Variants in LIMCH1 observed in about 807,000 individuals in gnomAD.
LIMCH1 encodes LIM and calponin homology domains-containing protein 1.
LIMCH1 carries 113 observed loss-of-function variants against 176.5 expected under a neutral mutation model. The observed-to-expected ratio is 0.64, with a 90% confidence interval of 0.55 to 0.75. The LOEUF is 0.75. LIMCH1 is among the 30% of genes least tolerant of loss of function. The pLI, the probability that LIMCH1 is intolerant of heterozygous loss-of-function variation, is 0.00. For synonymous variants in LIMCH1, 619 were observed against 645.9 expected, an observed-to-expected ratio of 0.96 and a Z score of 0.63; for missense variants, 1,674 against 1,814.9, an observed-to-expected ratio of 0.92 and a Z score of 1.41.
At chr4:41,539,357 G>A (rs917641830) in intron 1 of LIMCH1, among the ~76,000 whole-genome samples, 2 of 152,192 alleles carry the variant, frequency 1.3e-5, no homozygotes, top group East Asian at 1.9e-4. Flanking sequence ...GGTGGGTTCC[G>A]CACAAGGTGA....
At chr4:41,477,613 G>T (rs542538074) in intron 1 of LIMCH1, among the ~76,000 whole-genome samples, 2 of 152,334 alleles carry the variant, frequency 1.3e-5, no homozygotes, top group East Asian at 1.9e-4. Flanking sequence ...TTTGCTGAAA[G>T]CCCTTGGTTA....
intron 1 of LIMCH1, among the ~76,000 whole-genome samples, chr4:41,475,103 C>T (rs1412974363): frequency 6.6e-6 from 1 of 152,092 alleles, no homozygotes; most frequent in African/African-American, 2.4e-5. Flanking sequence ...GAGACCTTTG[C>T]TTTTGTTTTC....
chr4:41,482,560 A>G (rs555466586), intron 1 of LIMCH1, among the ~76,000 whole-genome samples: 2 of 152,286 alleles, frequency 1.3e-5, no homozygotes, highest in East Asian at 3.9e-4. Flanking sequence ...ATCAAATGAG[A>G]AAAATGTCTT....
At chr4:41,415,396 C>T (rs2059833794) in intron 1 of LIMCH1, among the ~76,000 whole-genome samples, 1 of 151,866 alleles carries the variant, frequency 6.6e-6, no homozygotes, top group Admixed American at 6.6e-5. Flanking sequence ...ACTTTCCATC[C>T]CCTCTCTTGC....
At position 41,699,015 on chromosome 4, in the gene LIMCH1, G is replaced by A. The variant is rs1054104290; in HGVS notation, c.*1830G>A. The A allele has an allele frequency of 6.6e-6, 1 of 152,214 alleles. No individual in the cohort carries two copies. The highest frequency in any genetic ancestry group is 1.5e-5 in the Non-Finnish European group (1 of 67,992). 9.4% of individuals were successfully genotyped at this position (152,214 alleles called of 1,614,324 possible). ...AAAGAAAAAAAGAAAAAATTAAAAAGAAAAATTGTTTTGAAAATGTACAGA... is the reference window on the plus strand; with the variant it reads ...AAAGAAAAAAAGAAAAAATTAAAAAAAAAAATTGTTTTGAAAATGTACAGA... On this transcript the variant is annotated 3_prime_UTR_variant, in exon 32 of 32. Coordinates refer to ENST00000503057, the MANE Select transcript of LIMCH1 (RefSeq NM_001330672.2).
chr4:41,440,317 A>G (rs2062565412), intron 1 of LIMCH1, among the ~76,000 whole-genome samples: 1 of 152,196 alleles, frequency 6.6e-6, no homozygotes, highest in African/African-American at 2.4e-5. Flanking sequence ...AGAAAATCAC[A>G]TTCTACAGAA....
intron 4 of LIMCH1, among the ~76,000 whole-genome samples, chr4:41,609,045 TG>T (rs754390744): frequency 3.9e-5 from 6 of 152,116 alleles, no homozygotes; most frequent in Non-Finnish European, 5.9e-5. Flanking sequence ...TGGCCCCATG[TG>T]GACCTTATTC....
chr4:41,491,221 C>T (rs1459331382), intron 1 of LIMCH1, among the ~76,000 whole-genome samples: 9 of 148,372 alleles, frequency 6.1e-5, no homozygotes, highest in East Asian at 4.1e-4. Flanking sequence ...AGAGGCGCCC[C>T]CAACTTCCCA....
Position 41,626,976 on chromosome 4 carries a change from G to A in LIMCH1, c.994G>A (p.Gly332Arg). The change falls in exon 8 of 32, where the codon GGA (glycine) becomes AGA (arginine). Residue 332 changes from glycine (G) to arginine (R), a missense_variant. Coordinates refer to ENST00000503057, the MANE Select transcript of LIMCH1 (RefSeq NM_001330672.2). ...AGATGGCAGCAAACAGCTCTCAAAG[G>A]GAATCTCAAAAAAAAGAAGTCTAGA... ...KSDGSKQLSK[G>R]ISKKRSLEYK... The A allele has an allele frequency of 6.5e-7, 1 of 1,533,236 alleles. No homozygotes were observed. The highest frequency in any genetic ancestry group is 8.7e-7 in the Non-Finnish European group (1 of 1,145,958). The allele number at this position is 1,533,236 out of a possible 1,614,324, so 95.0% of individuals were successfully genotyped here.
chr4:41,629,559 C>G lies in LIMCH1; in HGVS notation c.1096C>G (p.Pro366Ala). The G allele has an allele frequency of 1.3e-6, 2 of 1,536,036 alleles. No homozygotes were observed. Among genetic ancestry groups the G allele is most frequent in the Non-Finnish European group, 1.7e-6 (2 of 1,146,908 alleles). ...TAACATGAGGGCTCAGGAAAGTGAA[C>G]CTGTGGAAGGAGGACTCAGGAAGGT... ...TCNMRAQESEPVEGGLRKVPD... is the reference protein window; with the variant it reads ...TCNMRAQESEAVEGGLRKVPD... The change falls in exon 9 of 32, where the codon CCT (proline) becomes GCT (alanine). Residue 366 changes from proline to alanine, a missense_variant. Transcript: ENST00000503057.
At chr4:41,516,587 A>G (rs1349635565) in intron 2 of LIMCH1, among the ~76,000 whole-genome samples, 1 of 152,212 alleles carries the variant, frequency 6.6e-6, no homozygotes, top group African/African-American at 2.4e-5. Flanking sequence ...GACAGCAGGA[A>G]TAGTTATGCA....
chr4:41,650,402 A>G lies in LIMCH1; in HGVS notation c.2830A>G (p.Lys944Glu). 6.2e-7 allele frequency: 1 copy of G among 1,613,900 alleles called. No individual in the cohort carries two copies. The highest frequency in any genetic ancestry group is 8.5e-7 in the Non-Finnish European group (1 of 1,179,836). ...DVLKTFKVDG[K>E]VSVNGETVHR... is the part of the protein sequence containing the mutation. Reference sequence around the variant, plus strand: ...ATTCTGGCTTTTATAGGTAGACGGGAAAGTCAGTGTGAATGGAGAGACGGT... The same window carrying G: ...ATTCTGGCTTTTATAGGTAGACGGGGAAGTCAGTGTGAATGGAGAGACGGT... Residue 944 changes from lysine to glutamate, a missense_variant, in exon 18 of 32, where the codon AAA becomes GAA. Physicochemically the swap from Lys to Glu is moderately conservative, Grantham distance 56. Coordinates refer to ENST00000503057, the MANE Select transcript of LIMCH1 (RefSeq NM_001330672.2).
intron 2 of LIMCH1, among the ~76,000 whole-genome samples, chr4:41,515,687 A>T (rs1214073175): frequency 1.3e-5 from 2 of 152,218 alleles, no homozygotes; most frequent in Admixed American, 1.3e-4. Flanking sequence ...CAAATGCGTA[A>T]ATAACTTGTC....
intron 1 of LIMCH1, among the ~76,000 whole-genome samples, chr4:41,380,847 T>C (rs923773732): frequency 6.6e-6 from 1 of 152,180 alleles, no homozygotes; most frequent in African/African-American, 2.4e-5. Flanking sequence ...CTAGTTCACA[T>C]GATGGAATAA....
intron 1 of LIMCH1, among the ~76,000 whole-genome samples, chr4:41,493,305 T>C (rs2071438801): frequency 6.6e-6 from 1 of 152,190 alleles, no homozygotes; most frequent in Admixed American, 6.5e-5. Flanking sequence ...GTATTTTTTA[T>C]GATCAATTTT....
chr4:41,399,840 ATT>A (rs71198650), intron 1 of LIMCH1, among the ~76,000 whole-genome samples: 7 of 114,106 alleles, frequency 6.1e-5, no homozygotes, highest in African/African-American at 1.2e-4. Context: ...TGCCCGGCTA[ATT>A]TTTTTTTTTT....
chr4:41,594,200 G>T (rs2088246986), intron 1 of LIMCH1, among the ~76,000 whole-genome samples: 1 of 152,026 alleles, frequency 6.6e-6, no homozygotes, highest in Non-Finnish European at 1.5e-5. Flanking sequence ...TTGGGATCTG[G>T]GGTCTAATCA....
At chr4:41,651,646 A>T (rs1344340521) in intron 18 of LIMCH1, among the ~76,000 whole-genome samples, 1 of 152,206 alleles carries the variant, frequency 6.6e-6, no homozygotes, top group African/African-American at 2.4e-5. Context: ...TTTGAAAATA[A>T]CTGGTGCTAT....
intron 1 of LIMCH1, among the ~76,000 whole-genome samples, chr4:41,491,810 C>T (rs1259184225): frequency 5.4e-5 from 8 of 147,832 alleles, no homozygotes; most frequent in Non-Finnish European, 1.0e-4. Flanking sequence ...CCAGACGGGG[C>T]GGCCAGGCAG....
Sources: allele counts gnomAD v4.1 joint callset (sites outside exome capture counted in the v4.1 genomes callset), GRCh38; gene constraint gnomAD v4.1.1; transcripts MANE v1.5; gene names NCBI Gene and HGNC (gene_info 2026-07-23, HGNC 2026-07-21).